SLC35F4: variants seen among roughly 807,000 people sequenced by gnomAD.
The protein encoded by SLC35F4 is solute carrier family 35 member F4.
Under a neutral mutation model 44.2 loss-of-function variants are expected in SLC35F4, and 24 were observed. That is an observed-to-expected ratio of 0.54 (90% CI 0.39 to 0.76). The LOEUF (loss-of-function observed/expected upper bound fraction) is 0.76, where lower values mean the gene tolerates loss of function less well. SLC35F4 is among the 30% of genes least tolerant of loss of function. The pLI, the probability that SLC35F4 is intolerant of heterozygous loss-of-function variation, is 0.00. For missense variants in SLC35F4, 562 were observed against 586.1 expected, an observed-to-expected ratio of 0.96 and a Z score of 0.42; for synonymous variants, 238 against 223.6, an observed-to-expected ratio of 1.06 and a Z score of -0.57.
chr14:57,610,057 A>G (rs1443976940), intron 1 of SLC35F4, among the ~76,000 whole-genome samples: 1 of 152,112 alleles, frequency 6.6e-6, no homozygotes, highest in African/African-American at 2.4e-5. Flanking sequence ...TTTCCTTGTC[A>G]CTATTTGTTT....
intron 6 of SLC35F4, among the ~76,000 whole-genome samples, chr14:57,567,559 C>T (rs899080219): frequency 3.9e-5 from 6 of 152,246 alleles, no homozygotes; most frequent in East Asian, 1.9e-4. Context: ...TTGACTTTTA[C>T]AAGACTTGGG....
chr14:57,597,040 T>C (rs1030417723), intron 1 of SLC35F4: 1 of 392,858 alleles, frequency 2.5e-6, no homozygotes, highest in African/African-American at 2.1e-5. Flanking sequence ...TATGGTCTTG[T>C]ACCATTTAGT....
intron 1 of SLC35F4, among the ~76,000 whole-genome samples, chr14:57,745,279 C>T (rs138732927): frequency 4.4e-4 from 67 of 152,256 alleles, no homozygotes; most frequent in Admixed American, 1.0e-3. Context: ...GAGAAACTAC[C>T]ATCAGAGTGA....
chr14:57,664,570 G>A lies in SLC35F4; in HGVS notation c.104-70446C>T, dbSNP rs536614816. On this transcript the variant is annotated intron_variant, in intron 1 of 7. Transcript: ENST00000556826. Reference sequence around the variant, plus strand: ...ACTACAGGCACACACCACAATGCCCGGCTAATTTTTTGGCATTTTTAGTAG... The same window carrying A: ...ACTACAGGCACACACCACAATGCCCAGCTAATTTTTTGGCATTTTTAGTAG... Among the ~76,000 whole-genome samples the A allele has an allele frequency of 3.9e-5, 6 of 152,078 alleles. No individual in the cohort carries two copies. The South Asian group carries it at 8.3e-4, about 21-fold the overall frequency.
At chr14:57,598,684 C>T (rs552331433) in intron 1 of SLC35F4, among the ~76,000 whole-genome samples, 2 of 152,238 alleles carry the variant, frequency 1.3e-5, no homozygotes, top group Non-Finnish European at 2.9e-5. Flanking sequence ...AAGGCCTTAC[C>T]ATTGGCTTTT....
At chr14:57,714,174 T>A (rs2075879393) in intron 1 of SLC35F4, among the ~76,000 whole-genome samples, 1 of 152,140 alleles carries the variant, frequency 6.6e-6, no homozygotes, top group Admixed American at 6.5e-5. Context: ...CAAAACCAAC[T>A]TACTTTCTAA....
intron 1 of SLC35F4, among the ~76,000 whole-genome samples, chr14:57,613,872 A>G (rs1436910843): frequency 6.6e-6 from 1 of 152,182 alleles, no homozygotes; most frequent in East Asian, 1.9e-4. Context: ...ACATCTACCT[A>G]GTAAAGTTGT....
intron 1 of SLC35F4, among the ~76,000 whole-genome samples, chr14:57,941,852 C>A (rs1007624920): frequency 1.3e-5 from 2 of 152,126 alleles, no homozygotes; most frequent in African/African-American, 4.8e-5. Flanking sequence ...AGGTACTTAA[C>A]AAATACCTGT....
At chr14:57,597,493 A>G (rs1278514123) in intron 1 of SLC35F4, among the ~76,000 whole-genome samples, 1 of 152,250 alleles carries the variant, frequency 6.6e-6, no homozygotes, top group Non-Finnish European at 1.5e-5. Context: ...AGTTAGACAA[A>G]TGAAGAATAG....
intron 1 of SLC35F4, among the ~76,000 whole-genome samples, chr14:57,707,346 A>C (rs1253051577): frequency 6.6e-6 from 1 of 152,150 alleles, no homozygotes; most frequent in East Asian, 1.9e-4. Context: ...AGATTGGATC[A>C]CGGGGGCAGT....
At chr14:57,709,697 G>C (rs1001824117) in intron 1 of SLC35F4, among the ~76,000 whole-genome samples, 1 of 152,094 alleles carries the variant, frequency 6.6e-6, no homozygotes, top group African/African-American at 2.4e-5. Context: ...GTGAAACTTT[G>C]AACTTGAAAG....
intron 1 of SLC35F4, among the ~76,000 whole-genome samples, chr14:57,645,057 T>G (rs963345186): frequency 1.3e-5 from 2 of 152,262 alleles, no homozygotes; most frequent in Non-Finnish European, 2.9e-5. Context: ...GGTAGTGTTA[T>G]GCCTCCAGCT....
intron 1 of SLC35F4, among the ~76,000 whole-genome samples, chr14:57,863,943 T>A (rs906653409): frequency 6.6e-6 from 1 of 152,188 alleles, no homozygotes; most frequent in Non-Finnish European, 1.5e-5. Flanking sequence ...TGCTCTTCCC[T>A]TTTTTTGTCC....
intron 1 of SLC35F4, among the ~76,000 whole-genome samples, chr14:57,722,656 G>C (rs1262071447): frequency 1.3e-5 from 2 of 152,188 alleles, no homozygotes; most frequent in African/African-American, 2.4e-5. Context: ...ATAATGGACA[G>C]CAGAGGCAAA....
intron 1 of SLC35F4, among the ~76,000 whole-genome samples, chr14:57,828,584 C>A (rs1884031542): frequency 6.6e-6 from 1 of 152,074 alleles, no homozygotes; most frequent in Non-Finnish European, 1.5e-5. Flanking sequence ...AATTAATTTG[C>A]TTTTTAAATT....
intron 1 of SLC35F4, among the ~76,000 whole-genome samples, chr14:57,828,431 G>A (rs1467049197): frequency 6.6e-6 from 1 of 152,066 alleles, no homozygotes; most frequent in African/African-American, 2.4e-5. Flanking sequence ...GACACACTGG[G>A]CCAAATTCTC....
intron 1 of SLC35F4, among the ~76,000 whole-genome samples, chr14:57,886,028 A>G (rs1423502929): frequency 6.6e-6 from 1 of 152,242 alleles, no homozygotes; most frequent in Non-Finnish European, 1.5e-5. Context: ...GAATGACTAT[A>G]ATAGGAAATT....
chr14:57,613,602 T>C (rs978876549), intron 1 of SLC35F4, among the ~76,000 whole-genome samples: 2 of 152,244 alleles, frequency 1.3e-5, no homozygotes, highest in African/African-American at 2.4e-5. Flanking sequence ...TTTTTCTACC[T>C]GAGATTCAGC....
intron 1 of SLC35F4, among the ~76,000 whole-genome samples, chr14:57,752,509 G>A (rs867740429): frequency 4.9e-4 from 74 of 151,090 alleles, no homozygotes; most frequent in African/African-American, 1.8e-3. Flanking sequence ...TCGCCAGGCC[G>A]GAGTGCAGTG....
Sources: gnomAD v4.1 joint callset for allele counts (sites outside exome capture counted in the v4.1 genomes callset) on GRCh38, gnomAD v4.1.1 for gene constraint, MANE v1.5 for transcripts, NCBI Gene and HGNC (gene_info 2026-07-23, HGNC 2026-07-21) for gene names.